Variants in INTS4 observed in about 807,000 individuals in gnomAD.
The protein encoded by INTS4 is MSTP093.
A neutral mutation model predicts 119.5 loss-of-function variants in INTS4; 70 were observed. The observed-to-expected ratio is 0.59, with a 90% CI of 0.48 to 0.71. The LOEUF (loss-of-function observed/expected upper bound fraction) is 0.71. Ranked by LOEUF, INTS4 falls within the 30% of genes least tolerant of loss-of-function variation. The pLI is 0.00. For missense variants in INTS4, 867 were observed against 1,173.2 expected, an observed-to-expected ratio of 0.74 and a Z score of 3.81; for synonymous variants, 316 against 419.6, an observed-to-expected ratio of 0.75 and a Z score of 3.02.
At chr11:77,992,321 G>A (rs985363757) in intron 1 of INTS4, among the ~76,000 whole-genome samples, 1 of 152,014 alleles carries the variant, frequency 6.6e-6, no homozygotes, top group Non-Finnish European at 1.5e-5. Flanking sequence ...AACCCAGGAG[G>A]CAGAAGTTGC....
intron 4 of INTS4, among the ~76,000 whole-genome samples, chr11:77,969,702 T>C (rs908455987): frequency 2.0e-5 from 3 of 151,076 alleles, no homozygotes; most frequent in South Asian, 2.1e-4. Flanking sequence ...ACTGCACATA[T>C]ATGCACAACC....
At position 77,987,696 on chromosome 11, in the gene INTS4, T is replaced by C. The variant is rs1047524092; in HGVS notation, c.246+3412A>G. 6 of 444,666 alleles carry C rather than the reference T, an allele frequency of 1.3e-5. No individual in the cohort carries two copies. In the Admixed American group the frequency reaches 1.4e-4, roughly 11 times the overall value. 27.5% of individuals were successfully genotyped at this position (444,666 alleles called of 1,614,324 possible). A position where few individuals can be genotyped will look rare whatever the true frequency, so the allele number is the denominator to read the frequency against. ...GCCTGGGCAACACAGAGAGACTCCA[T>C]CTCTACAAAAAAAATTAAAAAGAAA... On this transcript the variant is annotated intron_variant, in intron 2 of 22. Transcript: ENST00000534064.
chr11:77,969,327 T>C (rs1043983785), intron 4 of INTS4, among the ~76,000 whole-genome samples: 1 of 152,078 alleles, frequency 6.6e-6, no homozygotes, highest in African/African-American at 2.4e-5. Flanking sequence ...AGATAACATG[T>C]ACAAATCAAT....
Position 77,896,106 on chromosome 11 carries a change from T to A in INTS4, c.2229-1757A>T, listed in dbSNP as rs566523405. On this transcript the variant is annotated intron_variant, in intron 18 of 22. Transcript: ENST00000534064. The stretch of plus-strand genomic sequence containing the variant: ...GGCAAGAAAGCACAGAAAACTTTTT[T>A]AAAAATTCTAATCAACAACCTCGGT... 4.8e-4 allele frequency among the ~76,000 whole-genome samples: 73 copies of A among 152,258 alleles called. No homozygotes were observed. The East Asian group carries it at 0.012, about 25-fold the overall frequency.
At chr11:77,982,105 A>G (rs918922958) in intron 2 of INTS4, among the ~76,000 whole-genome samples, 34 of 150,586 alleles carry the variant, frequency 2.3e-4, no homozygotes, top group African/African-American at 8.3e-4. Flanking sequence ...TACCACTGCT[A>G]TCACCAGAAA....
At chr11:77,899,860 T>C (rs1040287748) in intron 18 of INTS4, among the ~76,000 whole-genome samples, 1 of 152,082 alleles carries the variant, frequency 6.6e-6, no homozygotes, top group Non-Finnish European at 1.5e-5. Context: ...TCTATGTTTA[T>C]ATGGTTTGGG....
At chr11:77,880,707 C>T (rs1000575986) in intron 22 of INTS4, among the ~76,000 whole-genome samples, 9 of 152,150 alleles carry the variant, frequency 5.9e-5, no homozygotes, top group African/African-American at 2.2e-4. Context: ...CCTATAATCC[C>T]AGCACTTTGG....
intron 15 of INTS4, among the ~76,000 whole-genome samples, chr11:77,913,101 T>G (rs1465500613): frequency 6.6e-6 from 1 of 152,152 alleles, no homozygotes; most frequent in African/African-American, 2.4e-5. Flanking sequence ...TTTCATGGAC[T>G]TAACACAAAA....
chr11:77,922,228 CAAAAAAA>C, intron 13 of INTS4, 121 bp downstream of exon 13: 5 of 1,041,720 alleles, frequency 4.8e-6, no homozygotes, highest in East Asian at 3.2e-5. Flanking sequence ...ACTCTGTCTT[CAAAAAAA>C]AAAAAAAAAA....
At chr11:77,984,989 TTC>T (rs1856399989) in intron 2 of INTS4, among the ~76,000 whole-genome samples, 1 of 151,352 alleles carries the variant, frequency 6.6e-6, no homozygotes, top group African/African-American at 2.4e-5. Context: ...TTTACTCAAG[TTC>T]TTTTACTTTC....
Position 77,961,288 on chromosome 11 carries a change from T to C in INTS4, c.472-150A>G. The stretch of plus-strand genomic sequence containing the variant: ...ACCTATATTCTTAGGACAGTCTGTC[T>C]AGCATCATGTTACTTGAGTACGGGT... On this transcript the variant is annotated intron_variant, in intron 4 of 22. Coordinates refer to ENST00000534064, the MANE Select transcript of INTS4 (RefSeq NM_033547.4). The C allele has an allele frequency of 6.6e-6, 7 of 1,059,524 alleles. No homozygotes were observed. In the South Asian group the frequency reaches 8.5e-5, roughly 13 times the overall value. The allele number at this position is 1,059,524 out of a possible 1,614,324, so 65.6% of individuals were successfully genotyped here.
intron 10 of INTS4, among the ~76,000 whole-genome samples, chr11:77,936,943 A>C (rs193018859): frequency 3.9e-5 from 6 of 152,168 alleles, no homozygotes; most frequent in African/African-American, 1.4e-4. Context: ...GGGAGGCTGA[A>C]GCGGGCAGAT....
chr11:77,951,032 G>A (rs1228352652), intron 8 of INTS4, among the ~76,000 whole-genome samples: 1 of 151,948 alleles, frequency 6.6e-6, no homozygotes, highest in African/African-American at 2.4e-5. Context: ...CTTCATCCAT[G>A]TCCCTACAAA....
chr11:77,898,103 A>C (rs545948931), intron 18 of INTS4, among the ~76,000 whole-genome samples: 1 of 152,334 alleles, frequency 6.6e-6, no homozygotes, highest in East Asian at 1.9e-4. Flanking sequence ...GGCATGAGCC[A>C]CTGCATCTAC....
intron 13 of INTS4, among the ~76,000 whole-genome samples, chr11:77,921,887 C>A (rs1169609831): frequency 6.6e-6 from 1 of 151,840 alleles, no homozygotes; most frequent in Non-Finnish European, 1.5e-5. Flanking sequence ...AAAAATTAGC[C>A]GGGAGTGGTG....
At chr11:77,948,424 A>G (rs893406754) in intron 8 of INTS4, among the ~76,000 whole-genome samples, 10 of 152,148 alleles carry the variant, frequency 6.6e-5, no homozygotes, top group Non-Finnish European at 2.9e-5. Context: ...AGGCAGGCGA[A>G]TCACTTGAGG....
intron 16 of INTS4, among the ~76,000 whole-genome samples, chr11:77,907,352 G>C (rs1952981320): frequency 6.6e-6 from 1 of 152,138 alleles, no homozygotes; most frequent in Admixed American, 6.6e-5. Context: ...AAGATTACAG[G>C]TGTGAGCCAC....
At chr11:77,920,166 T>TATATAC (rs1053328734) in intron 14 of INTS4, among the ~76,000 whole-genome samples, 1 of 148,838 alleles carries the variant, frequency 6.7e-6, no homozygotes, top group East Asian at 2.0e-4. Context: ...TATACACATA[T>TATATAC]ATATACATAT....
chr11:77,884,326 T>C (rs1951906030), intron 21 of INTS4, among the ~76,000 whole-genome samples: 1 of 152,176 alleles, frequency 6.6e-6, no homozygotes, highest in African/African-American at 2.4e-5. Flanking sequence ...ACCACCAGTA[T>C]TTGGAGTTAT....
Sources: allele counts gnomAD v4.1 joint callset (sites outside exome capture counted in the v4.1 genomes callset), GRCh38; gene constraint gnomAD v4.1.1; transcripts MANE v1.5; gene names NCBI Gene and HGNC (gene_info 2026-07-23, HGNC 2026-07-21).